Variants in IGF1R observed in about 807,000 individuals in gnomAD.
IGF1R encodes the protein insulin-like growth factor 1 receptor.
In IGF1R, 44 loss-of-function variants were observed where a neutral mutation model predicts 144.6. The ratio of observed to expected loss-of-function variants is 0.30; its 90% CI spans 0.24 to 0.39. The LOEUF (loss-of-function observed/expected upper bound fraction) is 0.39, where lower values mean the gene tolerates loss of function less well. Ranked by LOEUF, IGF1R falls within the 10% of genes least tolerant of loss-of-function variation. The pLI is 1.00. For missense variants in IGF1R, 1,355 were observed against 1,833.7 expected, an observed-to-expected ratio of 0.74 and a Z score of 4.77; for synonymous variants, 795 against 722.8, an observed-to-expected ratio of 1.10 and a Z score of -1.60.
In IGF1R at chr15:98,958,702, A is replaced by G. The variant is rs1301392576; in HGVS notation, c.*1260A>G. The G allele has an allele frequency of 2.4e-5, 3 of 123,310 alleles. No homozygotes were observed. The highest frequency in any genetic ancestry group is 4.8e-5 in the Non-Finnish European group (3 of 62,634). 7.6% of individuals were successfully genotyped at this position (123,310 alleles called of 1,614,324 possible). On this transcript the variant is annotated 3_prime_UTR_variant, in exon 21 of 21. Coordinates refer to ENST00000650285, the MANE Select transcript of IGF1R (RefSeq NM_000875.5). The stretch of plus-strand genomic sequence containing the variant: ...ATATTCATCTATACGTCTGTACAGA[A>G]AAAAAAAAGCTGCTATTTTTTTTGT...
At chr15:98,761,154 C>T (rs1018593650) in intron 2 of IGF1R, among the ~76,000 whole-genome samples, 6 of 152,158 alleles carry the variant, frequency 3.9e-5, no homozygotes, top group Admixed American at 6.5e-5. Context: ...GCTCTGAGTT[C>T]CAGAGTGTTC....
chr15:98,708,141 C>A, intron 2 of IGF1R, 34 bp downstream of exon 2: 1 of 1,561,884 alleles, frequency 6.4e-7, no homozygotes, highest in Non-Finnish European at 8.8e-7. Flanking sequence ...TTTCTCTCTG[C>A]CTCTCTCTCT....
intron 12 of IGF1R, among the ~76,000 whole-genome samples, 184 bp from the exon 13 acceptor site, chr15:98,924,341 C>G (rs756055336): frequency 6.6e-6 from 1 of 152,204 alleles, no homozygotes; most frequent in Non-Finnish European, 1.5e-5. Flanking sequence ...TTTGGGTGTG[C>G]TTAAAGCTAC....
chr15:98,923,736 G>T (rs894621318), intron 11 of IGF1R, 140 bp from the exon 12 acceptor site: 5 of 730,006 alleles, frequency 6.8e-6, no homozygotes, highest in Non-Finnish European at 9.9e-6. Context: ...CGCGTGGATG[G>T]GGGCGTTATT....
At chr15:98,703,871 A>T (rs985278899) in intron 1 of IGF1R, among the ~76,000 whole-genome samples, 2 of 152,226 alleles carry the variant, frequency 1.3e-5, no homozygotes, top group African/African-American at 4.8e-5. Context: ...ATAACAAGTA[A>T]ATAGATGCCT....
At chr15:98,754,959 G>T (rs1460262980) in intron 2 of IGF1R, among the ~76,000 whole-genome samples, 1 of 152,136 alleles carries the variant, frequency 6.6e-6, no homozygotes, top group East Asian at 1.9e-4. Flanking sequence ...TAAATATTGT[G>T]TGCCTAGAAG....
At chr15:98,886,949 TAACA>T (rs1355110395) in intron 2 of IGF1R, among the ~76,000 whole-genome samples, 2 of 152,216 alleles carry the variant, frequency 1.3e-5, no homozygotes, top group African/African-American at 4.8e-5. Flanking sequence ...GTTCGTCCTC[TAACA>T]AACAGAGCAA....
At chr15:98,906,412 T>C (rs2014734058) in intron 5 of IGF1R, among the ~76,000 whole-genome samples, 2 of 152,214 alleles carry the variant, frequency 1.3e-5, no homozygotes, top group South Asian at 4.1e-4. Flanking sequence ...GCCCGACATT[T>C]GGGGGTGCAT....
chr15:98,816,330 A>G (rs4965436), intron 2 of IGF1R, among the ~76,000 whole-genome samples: 122,810 of 152,202 alleles, frequency 0.81, 50,625 homozygotes, highest in Non-Finnish European at 0.88. Flanking sequence ...GTTTCATTAA[A>G]CATTTTTCTT....
chr15:98,871,229 A>G lies in IGF1R; in HGVS notation c.641-20096A>G, dbSNP rs564679153. The stretch of plus-strand genomic sequence containing the variant: ...TTCCGGTGAACCCGTAACTTTGAGT[A>G]ACCTCTGATTGAACCAGAGAGTAGG... On this transcript the variant is annotated intron_variant, in intron 2 of 20. Coordinates refer to ENST00000650285, the MANE Select transcript of IGF1R (RefSeq NM_000875.5). Among the ~76,000 whole-genome samples, 5 of 152,374 alleles carry G rather than the reference A, an allele frequency of 3.3e-5. No individual in the cohort carries two copies. In the South Asian group the frequency reaches 1.0e-3, roughly 32 times the overall value.
chr15:98,845,466 G>C (rs1596353073), intron 2 of IGF1R, among the ~76,000 whole-genome samples: 1 of 64,118 alleles, frequency 1.6e-5, no homozygotes, highest in Non-Finnish European at 2.9e-5. Context: ...TCCTTCTCCT[G>C]CCCCCTCCTC....
chr15:98,812,095 C>T lies in IGF1R; in HGVS notation c.641-79230C>T, dbSNP rs367705322. Among the ~76,000 whole-genome samples the T allele has an allele frequency of 2.9e-4, 44 of 152,296 alleles. No individual in the cohort carries two copies. The South Asian group carries it at 5.2e-3, about 18-fold the overall frequency. ...TGATAAAGTATAGTTTAATAGCCTT[C>T]GAAACCACATCGTTGAGATTTAAAA... On this transcript the variant is annotated intron_variant, in intron 2 of 20. Transcript: ENST00000650285.
At chr15:98,929,029 T>TCATAAA (rs1156249393) in intron 13 of IGF1R, among the ~76,000 whole-genome samples, 1 of 152,198 alleles carries the variant, frequency 6.6e-6, no homozygotes, top group Non-Finnish European at 1.5e-5. Context: ...CTATTCATTT[T>TCATAAA]ATGAAAATGA....
intron 2 of IGF1R, among the ~76,000 whole-genome samples, chr15:98,867,114 G>T (rs1195815608): frequency 1.3e-5 from 2 of 151,606 alleles, no homozygotes; most frequent in Non-Finnish European, 2.9e-5. Flanking sequence ...CGGAGGGATT[G>T]TAGATGGTGT....
At chr15:98,943,371 CTTCT>C (rs372262893) in intron 19 of IGF1R, among the ~76,000 whole-genome samples, 54 of 152,322 alleles carry the variant, frequency 3.5e-4, no homozygotes, top group African/African-American at 1.3e-3. Flanking sequence ...CCCTGCCTGC[CTTCT>C]TTCTCTTTTC....
chr15:98,913,404 G>C, intron 8 of IGF1R, 122 bp downstream of exon 8: 1 of 816,366 alleles, frequency 1.2e-6, no homozygotes, highest in East Asian at 2.4e-5. Context: ...CTTGTCAATA[G>C]GTAATACTGT....
chr15:98,652,585 C>T (rs539050508), intron 1 of IGF1R, among the ~76,000 whole-genome samples: 79 of 152,270 alleles, frequency 5.2e-4, no homozygotes, highest in African/African-American at 1.8e-3. Flanking sequence ...TAGAAAAGTT[C>T]AACTCTAAGA....
rs10680958 is a variant in IGF1R at position 98,728,007 on chromosome 15, GTT to G, written c.640+19921_640+19922del. ...CCACTGTACTCACTGAAGATGCATT[GTT>G]TTTTTTTTTTTTTTTTTTTTAAGCG... On this transcript the variant is annotated intron_variant, in intron 2 of 20. Coordinates refer to ENST00000650285, the MANE Select transcript of IGF1R (RefSeq NM_000875.5). Among the ~76,000 whole-genome samples the G allele has an allele frequency of 3.3e-3, 364 of 108,752 alleles. 3 individuals are homozygous for G. The highest frequency in any genetic ancestry group is 0.011 in the African/African-American group (331 of 28,988). 71.3% of individuals were successfully genotyped at this position (108,752 alleles called of 152,430 possible).
rs557247249 is a variant in IGF1R at position 98,958,972 on chromosome 15, C to T, written c.*1530C>T. On this transcript the variant is annotated 3_prime_UTR_variant, in exon 21 of 21. Transcript: ENST00000650285. Reference sequence around the variant, plus strand: ...TTCTAACCCGTAGGCTCTCTGGGCACGAGGCAGAAAGCAGGCCGGGCACCC... The same window carrying T: ...TTCTAACCCGTAGGCTCTCTGGGCATGAGGCAGAAAGCAGGCCGGGCACCC... 15 of 233,372 alleles carry T rather than the reference C, an allele frequency of 6.4e-5. No homozygotes were observed. The highest frequency in any genetic ancestry group is 1.8e-4 in the South Asian group (1 of 5,532). 14.5% of individuals were successfully genotyped at this position (233,372 alleles called of 1,614,324 possible).
Sources: gnomAD v4.1 joint callset for allele counts (sites outside exome capture counted in the v4.1 genomes callset) on GRCh38, gnomAD v4.1.1 for gene constraint, MANE v1.5 for transcripts, NCBI Gene and HGNC (gene_info 2026-07-23, HGNC 2026-07-21) for gene names.